GRIK2: variants seen among roughly 807,000 people sequenced by gnomAD.
GRIK2 encodes the protein glutamate ionotropic receptor kainate type subunit 2, also known as glutamate receptor ionotropic, kainate 2.
GRIK2 carries 32 observed loss-of-function variants against 100.3 expected under a neutral mutation model. The observed-to-expected ratio is 0.32, with a 90% confidence interval of 0.24 to 0.43. The LOEUF is 0.43. Among genes scored for constraint, GRIK2 ranks in the 20% least tolerant of loss-of-function variants. The pLI is 1.00. For missense variants in GRIK2, 843 were observed against 1,114.9 expected, an observed-to-expected ratio of 0.76 and a Z score of 3.47; for synonymous variants, 417 against 389.4, an observed-to-expected ratio of 1.07 and a Z score of -0.83.
chr6:101,900,815 TAATTC>T (rs1787798901), intron 12 of GRIK2, among the ~76,000 whole-genome samples: 3 of 152,088 alleles, frequency 2.0e-5, no homozygotes, highest in Non-Finnish European at 2.9e-5. Context: ...GCATATTAGT[TAATTC>T]AATTTAAATG....
chr6:101,526,910 G>A lies in GRIK2; in HGVS notation c.116-95039G>A, dbSNP rs535077576. Among the ~76,000 whole-genome samples, 20 of 152,210 alleles carry A rather than the reference G, an allele frequency of 1.3e-4. No individual in the cohort carries two copies. In the East Asian group the frequency reaches 2.3e-3, roughly 18 times the overall value. On this transcript the variant is annotated intron_variant, in intron 2 of 16. Coordinates refer to ENST00000369134, the MANE Select transcript of GRIK2 (RefSeq NM_021956.5). ...TCCTGTAGAAAGCTGAATCCTCTCCGGGGGTTCAGAGGAGGCAACACTTCT... is the reference window on the plus strand; with the variant it reads ...TCCTGTAGAAAGCTGAATCCTCTCCAGGGGTTCAGAGGAGGCAACACTTCT...
intron 1 of GRIK2, chr6:101,398,719 ACTCAAGGCGGG>A: frequency 3.3e-6 from 1 of 307,052 alleles, no homozygotes; most frequent in Non-Finnish European, 5.9e-6. Context: ...CTTTCTTGCA[ACTCAAGGCGGG>A]CTGTCAGATC....
chr6:101,818,172 T>C (rs1328531136), intron 9 of GRIK2, among the ~76,000 whole-genome samples, 198 bp from the exon 10 acceptor site: 1 of 152,222 alleles, frequency 6.6e-6, no homozygotes, highest in Non-Finnish European at 1.5e-5. Flanking sequence ...TGGATCGTTT[T>C]GTTCTTTAAT....
chr6:101,473,149 C>G (rs899615199), intron 2 of GRIK2, among the ~76,000 whole-genome samples: 1 of 116,670 alleles, frequency 8.6e-6, no homozygotes, highest in Non-Finnish European at 1.8e-5. Flanking sequence ...TCCTTCCTTC[C>G]TTCTTTCCTT....
chr6:101,744,241 C>T (rs1261851089), intron 7 of GRIK2, among the ~76,000 whole-genome samples: 1 of 151,898 alleles, frequency 6.6e-6, no homozygotes, highest in Non-Finnish European at 1.5e-5. Context: ...CGTGCCCAGC[C>T]AGCAATATGT....
intron 2 of GRIK2, among the ~76,000 whole-genome samples, chr6:101,495,541 C>T (rs1035231154): frequency 5.3e-5 from 8 of 151,884 alleles, no homozygotes; most frequent in African/African-American, 1.9e-4. Flanking sequence ...AAATAAGATG[C>T]AGATAAAATT....
At chr6:101,843,292 G>A (rs1263942174) in intron 10 of GRIK2, among the ~76,000 whole-genome samples, 1 of 152,086 alleles carries the variant, frequency 6.6e-6, no homozygotes. Context: ...AGTTTGTGGG[G>A]GTAAAGATTT....
At chr6:101,899,179 AT>A (rs1436476831) in intron 12 of GRIK2, among the ~76,000 whole-genome samples, 1 of 150,930 alleles carries the variant, frequency 6.6e-6, no homozygotes, top group Admixed American at 6.6e-5. Context: ...GGATAGAAAT[AT>A]CTTGGTTGAT....
intron 2 of GRIK2, among the ~76,000 whole-genome samples, chr6:101,613,687 ACT>A (rs1219912033): frequency 2.0e-5 from 3 of 150,368 alleles, no homozygotes; most frequent in East Asian, 2.0e-4. Flanking sequence ...GGAGCTGGCC[ACT>A]CTCTCATAAT....
chr6:102,053,894 G>T (rs1771335491), intron 15 of GRIK2, among the ~76,000 whole-genome samples: 2 of 152,106 alleles, frequency 1.3e-5, no homozygotes, highest in African/African-American at 2.4e-5. Flanking sequence ...TATAAGTTGG[G>T]CTAATATATT....
At chr6:101,706,947 G>T (rs938554925) in intron 7 of GRIK2, among the ~76,000 whole-genome samples, 2 of 151,696 alleles carry the variant, frequency 1.3e-5, no homozygotes, top group Non-Finnish European at 2.9e-5. Flanking sequence ...TGTATTTTGG[G>T]CCTTTCAGTG....
At chr6:101,840,730 A>G (rs1024155930) in intron 10 of GRIK2, among the ~76,000 whole-genome samples, 1 of 152,196 alleles carries the variant, frequency 6.6e-6, no homozygotes, top group African/African-American at 2.4e-5. Flanking sequence ...GAATCCTATA[A>G]ATTTTATATT....
At chr6:101,975,793 GTCTATCTATCTA>G (rs71028092) in intron 14 of GRIK2, among the ~76,000 whole-genome samples, 48 of 96,976 alleles carry the variant, frequency 4.9e-4, no homozygotes, top group African/African-American at 1.6e-3. Flanking sequence ...CTGTCTGTCT[GTCTATCTATCTA>G]TCTGTCTATC....
At chr6:102,067,960 A>G (rs1377696235) in intron 16 of GRIK2, among the ~76,000 whole-genome samples, 1 of 151,814 alleles carries the variant, frequency 6.6e-6, no homozygotes, top group Non-Finnish European at 1.5e-5. Flanking sequence ...TGATTTGTCT[A>G]TTTTTTTGTA....
chr6:101,977,925 C>G (rs1380343622), intron 14 of GRIK2, among the ~76,000 whole-genome samples: 1 of 151,986 alleles, frequency 6.6e-6, no homozygotes, highest in Non-Finnish European at 1.5e-5. Context: ...GACAAACATA[C>G]TTGAAATGGA....
At chr6:101,706,571 C>T (rs1456436784) in intron 7 of GRIK2, among the ~76,000 whole-genome samples, 1 of 151,856 alleles carries the variant, frequency 6.6e-6, no homozygotes, top group Non-Finnish European at 1.5e-5. Flanking sequence ...GCAGATATGC[C>T]TGTGAAAGAT....
At chr6:101,477,156 G>T (rs1772280305) in intron 2 of GRIK2, among the ~76,000 whole-genome samples, 2 of 151,970 alleles carry the variant, frequency 1.3e-5, no homozygotes, top group African/African-American at 4.8e-5. Context: ...TCTTTAAGTG[G>T]GTTGCATACA....
intron 11 of GRIK2, chr6:101,860,913 AG>A: frequency 1.1e-6 from 1 of 910,650 alleles, no homozygotes; most frequent in Non-Finnish European, 1.3e-6. Context: ...TGAATTTCTG[AG>A]GCATTAGGTA....
At chr6:101,464,904 A>G (rs1383263555) in intron 2 of GRIK2, among the ~76,000 whole-genome samples, 1 of 152,128 alleles carries the variant, frequency 6.6e-6, no homozygotes, top group Non-Finnish European at 1.5e-5. Context: ...TACCTGGCAG[A>G]GACTAAGTAT....
Sources: allele counts gnomAD v4.1 joint callset (sites outside exome capture counted in the v4.1 genomes callset), GRCh38; gene constraint gnomAD v4.1.1; transcripts MANE v1.5; gene names NCBI Gene and HGNC (gene_info 2026-07-23, HGNC 2026-07-21).